The following SHC3 variants were observed in gnomAD, a reference collection of about 807,000 sequenced individuals.
SHC3 encodes the protein SHC adaptor protein 3.
Under a neutral mutation model 60.4 loss-of-function variants are expected in SHC3, and 15 were observed. That is an observed-to-expected ratio of 0.25 (90% confidence interval 0.17 to 0.38). The LOEUF is 0.38. Among genes scored for constraint, SHC3 ranks in the 10% least tolerant of loss-of-function variants. SHC3 has a pLI of 1.00. For missense variants in SHC3, 677 were observed against 786.1 expected (o/e 0.86, Z 1.66); for synonymous variants, 294 against 325.9 (o/e 0.90, Z 1.05).
At chr9:89,152,077 C>T (rs1013629932) in intron 1 of SHC3, among the ~76,000 whole-genome samples, 2 of 152,178 alleles carry the variant, frequency 1.3e-5, no homozygotes, top group African/African-American at 4.8e-5. Context: ...ATTTGAGTAG[C>T]TTCAGATTAT....
At chr9:89,167,847 G>A (rs540014653) in intron 1 of SHC3, among the ~76,000 whole-genome samples, 134 of 152,310 alleles carry the variant, frequency 8.8e-4, no homozygotes, top group Non-Finnish European at 1.4e-3. Context: ...ATACAGAAGC[G>A]TGTTTCCCCT....
At chr9:89,081,185 C>T (rs1027965169) in intron 2 of SHC3, among the ~76,000 whole-genome samples, 1 of 152,098 alleles carries the variant, frequency 6.6e-6, no homozygotes, top group Admixed American at 6.6e-5. Context: ...AAATATGTAA[C>T]ATTTCACAGT....
intron 1 of SHC3, among the ~76,000 whole-genome samples, chr9:89,114,252 C>T (rs75581675): frequency 0.026 from 3,923 of 152,200 alleles, 76 homozygotes; most frequent in Middle Eastern, 0.068. Flanking sequence ...TGTGGAATTA[C>T]GTAAATATCA....
At chr9:89,107,335 T>G (rs1825878031) in intron 2 of SHC3, among the ~76,000 whole-genome samples, 1 of 152,220 alleles carries the variant, frequency 6.6e-6, no homozygotes. Context: ...GCTCCTTTCC[T>G]GGGTTGTGGT....
At chr9:89,050,935 G>C (rs1171140470) in intron 7 of SHC3, among the ~76,000 whole-genome samples, 2 of 151,534 alleles carry the variant, frequency 1.3e-5, no homozygotes, top group Non-Finnish European at 2.9e-5. Flanking sequence ...GGCCATAAGG[G>C]AGAATTGAAT....
intron 10 of SHC3, among the ~76,000 whole-genome samples, chr9:89,040,153 TCATCATCAC>T (rs1824655121): frequency 2.8e-5 from 1 of 35,380 alleles, no homozygotes; most frequent in Admixed American, 2.7e-4. Flanking sequence ...ATCACCACCA[TCATCATCAC>T]CATCATCATC....
chr9:89,060,915 G>A (rs1205098301), intron 6 of SHC3, among the ~76,000 whole-genome samples: 3 of 152,074 alleles, frequency 2.0e-5, no homozygotes, highest in Non-Finnish European at 4.4e-5. Flanking sequence ...AAGGGGTTGC[G>A]GTTGATAGAA....
intron 2 of SHC3, among the ~76,000 whole-genome samples, chr9:89,082,805 G>A (rs763845165): frequency 6.6e-6 from 1 of 152,146 alleles, no homozygotes; most frequent in African/African-American, 2.4e-5. Context: ...CCTGTCTGAA[G>A]GGACCTCATA....
At chr9:89,104,267 G>A in intron 2 of SHC3, among the ~76,000 whole-genome samples, 1 of 152,106 alleles carries the variant, frequency 6.6e-6, no homozygotes, top group East Asian at 1.9e-4. Flanking sequence ...TTAAATACTG[G>A]TTCTCAAACT....
chr9:89,117,165 A>G (rs1013963948), intron 1 of SHC3, among the ~76,000 whole-genome samples: 5 of 152,210 alleles, frequency 3.3e-5, no homozygotes, highest in Non-Finnish European at 7.3e-5. Flanking sequence ...TCTTGTAGTT[A>G]TATTACCAGC....
At chr9:89,083,848 C>G (rs2118033938) in intron 2 of SHC3, among the ~76,000 whole-genome samples, 1 of 152,228 alleles carries the variant, frequency 6.6e-6, no homozygotes, top group Non-Finnish European at 1.5e-5. Context: ...GCAGTAGGGA[C>G]AGAGCTGGGA....
At chr9:89,077,679 G>A (rs554796118) in intron 3 of SHC3, among the ~76,000 whole-genome samples, 161 bp downstream of exon 3, 1 of 152,330 alleles carries the variant, frequency 6.6e-6, no homozygotes, top group Admixed American at 6.5e-5. Context: ...CCTCAACCAC[G>A]TGAGAGAGAA....
chr9:89,077,909 G>T lies in SHC3; in HGVS notation c.546-6C>A, dbSNP rs1825385634. The T allele has an allele frequency of 3.1e-6, 5 of 1,614,036 alleles. No homozygotes were observed. The highest frequency in any genetic ancestry group is 4.2e-6 in the Non-Finnish European group (5 of 1,180,020). On this transcript the variant is annotated splice_region_variant and splice_polypyrimidine_tract_variant and intron_variant, in intron 2 of 11. Transcript: ENST00000375835. The stretch of plus-strand genomic sequence containing the variant: ...AGACGCGGCTGATGGCTTCCCTTAG[G>T]ACAGGAAGAAAAAGCAATTTTATTA...
At chr9:89,097,473 T>G (rs1825721892) in intron 2 of SHC3, among the ~76,000 whole-genome samples, 1 of 152,228 alleles carries the variant, frequency 6.6e-6, no homozygotes, top group Admixed American at 6.5e-5. Flanking sequence ...CAGATGCAGA[T>G]GTACTAATCT....
chr9:89,132,545 C>T (rs1289432754), intron 1 of SHC3, among the ~76,000 whole-genome samples: 2 of 152,206 alleles, frequency 1.3e-5, no homozygotes, highest in African/African-American at 4.8e-5. Flanking sequence ...CAGCATGGTA[C>T]TGGTATCAAA....
chr9:89,102,303 G>T (rs1425806573), intron 2 of SHC3, among the ~76,000 whole-genome samples: 2 of 151,776 alleles, frequency 1.3e-5, no homozygotes, highest in Admixed American at 6.6e-5. Context: ...TCTTTTTTCA[G>T]ATTCCAAATT....
At chr9:89,147,199 CT>C (rs372075206) in intron 1 of SHC3, among the ~76,000 whole-genome samples, 1 of 152,050 alleles carries the variant, frequency 6.6e-6, no homozygotes, top group African/African-American at 2.4e-5. Flanking sequence ...CCCTTCAACC[CT>C]CACCATTCAT....
intron 2 of SHC3, among the ~76,000 whole-genome samples, chr9:89,105,541 A>G (rs1249990335): frequency 6.6e-6 from 1 of 152,184 alleles, no homozygotes; most frequent in Non-Finnish European, 1.5e-5. Context: ...CTACTTATGT[A>G]TATGTTTGTG....
intron 6 of SHC3, among the ~76,000 whole-genome samples, chr9:89,060,777 A>T (rs931265308): frequency 2.6e-5 from 4 of 152,102 alleles, no homozygotes; most frequent in Admixed American, 2.0e-4. Context: ...GAGCGGGCAC[A>T]GAGTGACTGA....
Sources: allele counts gnomAD v4.1 joint callset (sites outside exome capture counted in the v4.1 genomes callset), GRCh38; gene constraint gnomAD v4.1.1; transcripts MANE v1.5; gene names NCBI Gene and HGNC (gene_info 2026-07-23, HGNC 2026-07-21).